EPHA4: variants seen among roughly 807,000 people sequenced by gnomAD.
EPHA4 encodes ephrin type-A receptor 4.
EPHA4 carries 19 observed loss-of-function variants against 108.3 expected under a neutral mutation model. The observed-to-expected ratio is 0.18, with a 90% CI of 0.12 to 0.26. EPHA4 has a LOEUF of 0.26. Ranked by LOEUF, EPHA4 falls within the 10% of genes least tolerant of loss-of-function variation. EPHA4 has a pLI of 1.00. For synonymous variants in EPHA4, 449 were observed against 455.5 expected (o/e 0.99, Z 0.18); for missense variants, 917 against 1,254.0 (o/e 0.73, Z 4.06).
chr2:221,535,129 A>G (rs1693629903), intron 3 of EPHA4, among the ~76,000 whole-genome samples: 1 of 152,186 alleles, frequency 6.6e-6, no homozygotes, highest in Non-Finnish European at 1.5e-5. Flanking sequence ...ATCACTTTCA[A>G]CTGGGTGTCA....
intron 3 of EPHA4, among the ~76,000 whole-genome samples, chr2:221,518,631 G>A (rs1693061061): frequency 6.6e-6 from 1 of 152,236 alleles, no homozygotes; most frequent in South Asian, 2.1e-4. Context: ...ACTCCTTGCT[G>A]TGAACCAAGC....
chr2:221,518,313 G>T (rs2106171444), intron 3 of EPHA4, among the ~76,000 whole-genome samples: 1 of 152,206 alleles, frequency 6.6e-6, no homozygotes, highest in South Asian at 2.1e-4. Flanking sequence ...TGTAGTCTAG[G>T]TTAGGAAATC....
In EPHA4 at chr2:221,425,532, T is replaced by A. The variant is rs928243305; in HGVS notation, c.*496A>T. 2.0e-5 allele frequency: 3 copies of A among 153,038 alleles called. No individual in the cohort carries two copies. Among genetic ancestry groups the A allele is most frequent in the African/African-American group, 7.3e-5 (3 of 41,280 alleles). The allele number at this position is 153,038 out of a possible 1,614,324, so 9.5% of individuals were successfully genotyped here. On this transcript the variant is annotated 3_prime_UTR_variant, in exon 17 of 18. Transcript: ENST00000281821. ...CGTCGCTTTCTCCTAGGACTTTTTT[T>A]TCCCCCATGGTATGAACCAAGCCCT...
chr2:221,526,097 A>G (rs1204446326), intron 3 of EPHA4, among the ~76,000 whole-genome samples: 3 of 152,166 alleles, frequency 2.0e-5, no homozygotes, highest in Non-Finnish European at 4.4e-5. Context: ...TATATAAGAC[A>G]CTCTTATGAA....
At chr2:221,441,291 C>T (rs768957971) in intron 11 of EPHA4, among the ~76,000 whole-genome samples, 5 of 149,572 alleles carry the variant, frequency 3.3e-5, no homozygotes, top group African/African-American at 4.9e-5. Flanking sequence ...GTGGTACTAT[C>T]GTAGCTCACT....
chr2:221,502,854 T>C (rs1226805867), intron 3 of EPHA4, among the ~76,000 whole-genome samples: 1 of 152,204 alleles, frequency 6.6e-6, no homozygotes, highest in Non-Finnish European at 1.5e-5. Flanking sequence ...ATCTCTCCCT[T>C]ATTTGCTTTC....
intron 3 of EPHA4, among the ~76,000 whole-genome samples, chr2:221,560,694 G>A (rs1233829207): frequency 6.6e-6 from 1 of 152,152 alleles, no homozygotes; most frequent in East Asian, 1.9e-4. Flanking sequence ...ACAACCCCAA[G>A]TCCTCATTGC....
rs150796042 is a variant in EPHA4, at chr2:221,546,371, C to G, written c.823+17360G>C. Reference sequence around the variant, plus strand: ...TTCTGAGCTTATTCTACCTTTAACACTACCAAGAAAGTAAGACTCAAAAAA... The same window carrying G: ...TTCTGAGCTTATTCTACCTTTAACAGTACCAAGAAAGTAAGACTCAAAAAA... On this transcript the variant is annotated intron_variant, in intron 3 of 17. Coordinates refer to ENST00000281821, the MANE Select transcript of EPHA4 (RefSeq NM_004438.5). Among the ~76,000 whole-genome samples, 146 of 152,326 alleles carry G rather than the reference C, an allele frequency of 9.6e-4. 1 individual carries two copies. The highest frequency in any genetic ancestry group is 1.9e-3 in the Non-Finnish European group (127 of 68,030).
At chr2:221,458,105 T>TC in intron 5 of EPHA4, 115 bp from the exon 6 acceptor site, 1 of 1,327,996 alleles carries the variant, frequency 7.5e-7, no homozygotes. Flanking sequence ...TTGTCTTGTC[T>TC]CCCCCTTGAC....
intron 3 of EPHA4, among the ~76,000 whole-genome samples, chr2:221,549,934 T>A (rs1172329850): frequency 1.3e-5 from 2 of 152,162 alleles, no homozygotes; most frequent in Admixed American, 1.3e-4. Context: ...GAGGTTGCAG[T>A]GAGCCAAGAT....
chr2:221,493,861 A>G (rs1384249993), intron 4 of EPHA4, among the ~76,000 whole-genome samples: 1 of 152,212 alleles, frequency 6.6e-6, no homozygotes, highest in Admixed American at 6.5e-5. Context: ...CTCTGGTCAT[A>G]GATCTTAGGA....
At chr2:221,446,983 C>G (rs1293687644) in intron 8 of EPHA4, among the ~76,000 whole-genome samples, 1 of 152,136 alleles carries the variant, frequency 6.6e-6, no homozygotes, top group Non-Finnish European at 1.5e-5. Flanking sequence ...GATTAGAAAT[C>G]TTCAGTACAC....
chr2:221,505,418 T>C (rs983524089), intron 3 of EPHA4, among the ~76,000 whole-genome samples: 3 of 152,060 alleles, frequency 2.0e-5, no homozygotes, highest in Non-Finnish European at 4.4e-5. Flanking sequence ...CTCCGCCTTC[T>C]GGGTTCAAGC....
intron 5 of EPHA4, among the ~76,000 whole-genome samples, chr2:221,464,524 T>C (rs1691246949): frequency 6.6e-6 from 1 of 152,224 alleles, no homozygotes; most frequent in Non-Finnish European, 1.5e-5. Flanking sequence ...ATTCCTCCTC[T>C]CAAGCTAGGC....
chr2:221,438,371 G>C (rs1446287341), intron 11 of EPHA4, among the ~76,000 whole-genome samples: 1 of 152,116 alleles, frequency 6.6e-6, no homozygotes, highest in Admixed American at 6.5e-5. Context: ...TTGTTGGCAA[G>C]TGGAGGGTGG....
intron 10 of EPHA4, among the ~76,000 whole-genome samples, 162 bp downstream of exon 10, chr2:221,443,331 C>G (rs1192049926): frequency 6.6e-6 from 1 of 152,028 alleles, no homozygotes; most frequent in Non-Finnish European, 1.5e-5. Context: ...AAAATTTGTA[C>G]TAGAGTTCTT....
chr2:221,536,523 G>A (rs1420525649), intron 3 of EPHA4, among the ~76,000 whole-genome samples: 3 of 152,132 alleles, frequency 2.0e-5, no homozygotes, highest in Non-Finnish European at 4.4e-5. Context: ...CCCCCAATGT[G>A]ATTACATTTG....
chr2:221,468,033 A>C (rs1373587114), intron 5 of EPHA4, among the ~76,000 whole-genome samples: 3 of 152,116 alleles, frequency 2.0e-5, no homozygotes. Context: ...AAATAAATAT[A>C]CATTTTTTTC....
Position 221,418,640 on chromosome 2 carries a change from T to C in EPHA4, c.*2732A>G, listed in dbSNP as rs1011518187. ...TCAACCCACCAGAACATTTCACTCGTAAGATTGCTAAAAAATAACTTGGGG... is the reference window on the plus strand; with the variant it reads ...TCAACCCACCAGAACATTTCACTCGCAAGATTGCTAAAAAATAACTTGGGG... On this transcript the variant is annotated 3_prime_UTR_variant, in exon 18 of 18. Coordinates refer to ENST00000281821, the MANE Select transcript of EPHA4 (RefSeq NM_004438.5). The C allele has an allele frequency of 6.6e-6, 1 of 152,522 alleles. No homozygotes were observed. Among genetic ancestry groups the C allele is most frequent in the African/African-American group, 2.4e-5 (1 of 41,460 alleles). The allele number at this position is 152,522 out of a possible 1,614,324, so 9.4% of individuals were successfully genotyped here. A position where few individuals can be genotyped will look rare whatever the true frequency, so the allele number is the denominator to read the frequency against.
Sources: gnomAD v4.1 joint callset for allele counts (sites outside exome capture counted in the v4.1 genomes callset) on GRCh38, gnomAD v4.1.1 for gene constraint, MANE v1.5 for transcripts, NCBI Gene and HGNC (gene_info 2026-07-23, HGNC 2026-07-21) for gene names.